The following TENM3 variants were observed in gnomAD, a reference collection of about 807,000 sequenced individuals.
The protein encoded by TENM3 is teneurin transmembrane protein 3.
A neutral mutation model predicts 255.1 loss-of-function variants in TENM3; 63 were observed. The ratio of observed to expected loss-of-function variants is 0.25; its 90% CI spans 0.20 to 0.30. The LOEUF (loss-of-function observed/expected upper bound fraction) is 0.30. Ranked by LOEUF, TENM3 falls within the 10% of genes least tolerant of loss-of-function variation. The pLI, the probability that TENM3 is intolerant of heterozygous loss-of-function variation, is 1.00. For synonymous variants in TENM3, 1,306 were observed against 1,322.3 expected (o/e 0.99, Z 0.27); for missense variants, 2,929 against 3,461.1 (o/e 0.85, Z 3.86).
At chr4:181,601,891 T>C in the TENM3 span, among the ~76,000 whole-genome samples, 1 of 152,150 alleles carries the variant, frequency 6.6e-6, no homozygotes, top group Non-Finnish European at 1.5e-5. Context: ...ATGCCTTATC[T>C]TGTAGAAACA....
the TENM3 span, among the ~76,000 whole-genome samples, chr4:182,119,080 C>T: frequency 6.6e-6 from 1 of 152,234 alleles, no homozygotes; most frequent in South Asian, 2.1e-4. Context: ...GTCACCATTG[C>T]TTCTCAGCCC....
Position 182,293,520 on chromosome 4 carries a change from G to A in TENM3, c.-75-30426G>A, listed in dbSNP as rs570204205. 9.9e-5 allele frequency among the ~76,000 whole-genome samples: 15 copies of A among 152,176 alleles called. No homozygotes were observed. The South Asian group carries it at 2.7e-3, about 27-fold the overall frequency. Reference sequence around the variant, plus strand: ...CCTTTCTTGAGATGTCAAAGTTGGCGAGACCTAATGAATTTGAACTGAAGA... The same window carrying A: ...CCTTTCTTGAGATGTCAAAGTTGGCAAGACCTAATGAATTTGAACTGAAGA... On this transcript the variant is annotated intron_variant, in intron 1 of 27. Transcript: ENST00000511685.
chr4:182,352,354 T>C (rs1029522212), intron 3 of TENM3, among the ~76,000 whole-genome samples: 1 of 152,178 alleles, frequency 6.6e-6, no homozygotes, highest in African/African-American at 2.4e-5. Context: ...TCAAAGATTT[T>C]AGCATGCTCC....
the TENM3 span, among the ~76,000 whole-genome samples, chr4:182,105,107 G>A: frequency 0.29 from 44,666 of 151,946 alleles, 7,327 homozygotes; most frequent in East Asian, 0.53. Flanking sequence ...CAGCTACTCC[G>A]GAGGCTGAAG....
chr4:181,967,334 G>A, the TENM3 span, among the ~76,000 whole-genome samples: 2 of 152,110 alleles, frequency 1.3e-5, no homozygotes, highest in African/African-American at 2.4e-5. Flanking sequence ...GCAAAATGGA[G>A]ATATGACATT....
intron 24 of TENM3, among the ~76,000 whole-genome samples, chr4:182,777,151 C>A (rs1325277047): frequency 4.6e-5 from 7 of 152,094 alleles, no homozygotes; most frequent in Non-Finnish European, 1.0e-4. Flanking sequence ...CAGTGAGAAT[C>A]AGCCCAAAGA....
the TENM3 span, among the ~76,000 whole-genome samples, chr4:181,512,079 T>A: frequency 6.6e-6 from 1 of 152,112 alleles, no homozygotes; most frequent in Non-Finnish European, 1.5e-5. Flanking sequence ...CTTTCTCGCC[T>A]TCTTCATTGC....
At chr4:182,169,076 C>CAT (rs1561161989) in intron 1 of TENM3, among the ~76,000 whole-genome samples, 1 of 118,106 alleles carries the variant, frequency 8.5e-6, no homozygotes, top group Non-Finnish European at 2.0e-5. Flanking sequence ...TCATGCCATA[C>CAT]ACACACACAC....
At chr4:181,850,424 TGACA>T in the TENM3 span, among the ~76,000 whole-genome samples, 1 of 152,138 alleles carries the variant, frequency 6.6e-6, no homozygotes, top group Non-Finnish European at 1.5e-5. Context: ...TTCTTTCATA[TGACA>T]TTTAAAATAT....
At chr4:182,262,530 C>T (rs1758873745) in intron 1 of TENM3, among the ~76,000 whole-genome samples, 2 of 152,096 alleles carry the variant, frequency 1.3e-5, no homozygotes, top group Non-Finnish European at 2.9e-5. Flanking sequence ...ACACTCCCAC[C>T]AGCGCCACGA....
the TENM3 span, among the ~76,000 whole-genome samples, chr4:182,119,541 A>G: frequency 0.03 from 4,493 of 152,024 alleles, 189 homozygotes; most frequent in African/African-American, 0.1. Context: ...CTGCCCATTT[A>G]TCTCTCCAAA....
At chr4:182,730,397 G>A in intron 15 of TENM3, 78 bp downstream of exon 15, 1 of 1,528,486 alleles carries the variant, frequency 6.5e-7, no homozygotes, top group East Asian at 2.3e-5. Flanking sequence ...TGTCATGTTT[G>A]ACTGTCCTTT....
the TENM3 span, among the ~76,000 whole-genome samples, chr4:181,467,991 G>C: frequency 6.6e-6 from 1 of 151,892 alleles, no homozygotes; most frequent in East Asian, 1.9e-4. Context: ...ACAGTACTAG[G>C]TAAAATTAAA....
chr4:181,703,377 C>T, the TENM3 span, among the ~76,000 whole-genome samples: 2 of 152,126 alleles, frequency 1.3e-5, no homozygotes, highest in African/African-American at 2.4e-5. Context: ...TCCTACAGTG[C>T]AAAATATTAT....
At chr4:182,010,122 C>G in the TENM3 span, among the ~76,000 whole-genome samples, 1 of 152,230 alleles carries the variant, frequency 6.6e-6, no homozygotes, top group African/African-American at 2.4e-5. Flanking sequence ...CCTCCTAATG[C>G]TGTTGCTTCT....
At chr4:182,677,319 C>T (rs1020180395) in intron 7 of TENM3, among the ~76,000 whole-genome samples, 42 of 152,026 alleles carry the variant, frequency 2.8e-4, no homozygotes, top group Admixed American at 2.3e-3. Flanking sequence ...CAGTGTGATG[C>T]GAATGGTTAT....
At chr4:182,695,757 C>G (rs1373314663) in intron 12 of TENM3, among the ~76,000 whole-genome samples, 1 of 152,162 alleles carries the variant, frequency 6.6e-6, no homozygotes, top group Admixed American at 6.5e-5. Context: ...GAAAATTCCT[C>G]ATGTCATCAA....
At chr4:181,597,996 C>T in the TENM3 span, among the ~76,000 whole-genome samples, 1 of 152,218 alleles carries the variant, frequency 6.6e-6, no homozygotes, top group South Asian at 2.1e-4. Context: ...CCCCAGATCT[C>T]TGCAGGCTTC....
intron 1 of TENM3, among the ~76,000 whole-genome samples, chr4:182,226,672 A>G (rs1319494290): frequency 3.9e-5 from 6 of 152,090 alleles, no homozygotes; most frequent in African/African-American, 1.4e-4. Flanking sequence ...TCCACCTTGG[A>G]CCCATGCTGC....
Sources: gnomAD v4.1 joint callset for allele counts (sites outside exome capture counted in the v4.1 genomes callset) on GRCh38, gnomAD v4.1.1 for gene constraint, MANE v1.5 for transcripts, NCBI Gene and HGNC (gene_info 2026-07-23, HGNC 2026-07-21) for gene names.